Variants in PEX5L observed in about 807,000 individuals in gnomAD.
PEX5L encodes the protein PEX5-related protein.
In PEX5L, 30 loss-of-function variants were observed where a neutral mutation model predicts 84.0. The ratio of observed to expected loss-of-function variants is 0.36; its 90% confidence interval spans 0.27 to 0.48. PEX5L has a LOEUF of 0.48. Among genes scored for constraint, PEX5L ranks in the 20% least tolerant of loss-of-function variants. PEX5L has a pLI of 0.99. For missense variants in PEX5L, 533 were observed against 754.6 expected (o/e 0.71, Z 3.44); for synonymous variants, 270 against 283.1 (o/e 0.95, Z 0.46).
intron 8 of PEX5L, among the ~76,000 whole-genome samples, chr3:179,850,078 T>C (rs911226990): frequency 1.3e-5 from 2 of 152,166 alleles, no homozygotes; most frequent in Admixed American, 1.3e-4. Context: ...CCCTCTTTTT[T>C]AACTGATCAC....
At chr3:179,866,004 A>G (rs996155869) in intron 7 of PEX5L, among the ~76,000 whole-genome samples, 2 of 152,186 alleles carry the variant, frequency 1.3e-5, no homozygotes, top group African/African-American at 4.8e-5. Context: ...TCCTGGAAAC[A>G]TCTTGGGTTT....
chr3:179,869,233 G>C (rs1455974329), intron 7 of PEX5L, among the ~76,000 whole-genome samples: 1 of 152,084 alleles, frequency 6.6e-6, no homozygotes, highest in African/African-American at 2.4e-5. Context: ...ATCCAAAAAG[G>C]CTTGAACCAT....
intron 2 of PEX5L, among the ~76,000 whole-genome samples, chr3:179,915,606 T>TAG (rs1420438694): frequency 6.6e-6 from 1 of 152,110 alleles, no homozygotes; most frequent in African/African-American, 2.4e-5. Flanking sequence ...AGGAGGAAGG[T>TAG]AGAGAGCATT....
At chr3:179,951,340 G>T (rs1779028701) in intron 2 of PEX5L, among the ~76,000 whole-genome samples, 1 of 151,932 alleles carries the variant, frequency 6.6e-6, no homozygotes, top group African/African-American at 2.4e-5. Context: ...ATATTACCAT[G>T]CAGAATAAAT....
intron 1 of PEX5L, among the ~76,000 whole-genome samples, chr3:180,004,149 A>G (rs190691548): frequency 1.3e-5 from 2 of 152,310 alleles, no homozygotes; most frequent in Non-Finnish European, 1.5e-5. Flanking sequence ...TGAACTGACT[A>G]AAAAAACCCC....
At chr3:179,871,686 A>G (rs930595873) in intron 7 of PEX5L, among the ~76,000 whole-genome samples, 4 of 152,182 alleles carry the variant, frequency 2.6e-5, no homozygotes, top group Non-Finnish European at 5.9e-5. Context: ...AAATAAGGCA[A>G]ATGCCAAGCT....
At position 180,020,873 on chromosome 3, in the gene PEX5L, C is replaced by A. The variant is rs567127182; in HGVS notation, c.21+15706G>T. 1.2e-4 allele frequency among the ~76,000 whole-genome samples: 19 copies of A among 152,212 alleles called. 1 individual carries two copies. In the South Asian group the frequency reaches 3.9e-3, roughly 32 times the overall value. ...ATCAAACCAAGCAGACTAATTAAGG[C>A]TAATTAAAAGATGAATTTGTTCAAC... On this transcript the variant is annotated intron_variant, in intron 1 of 14. Transcript: ENST00000467460.
intron 2 of PEX5L, among the ~76,000 whole-genome samples, chr3:179,954,123 CTT>C (rs946406071): frequency 6.8e-6 from 1 of 146,150 alleles, no homozygotes; most frequent in African/African-American, 2.6e-5. Context: ...CCAGAGATTT[CTT>C]TTTTTTTCTT....
chr3:180,007,076 C>G (rs913051885), intron 1 of PEX5L, among the ~76,000 whole-genome samples: 2 of 152,158 alleles, frequency 1.3e-5, no homozygotes. Flanking sequence ...TGAGACAAGG[C>G]AAGTCCTTTC....
Position 179,860,016 on chromosome 3 carries a change from T to C in PEX5L, c.727-859A>G, listed in dbSNP as rs7618835. Among the ~76,000 whole-genome samples, 772 of 151,662 alleles carry C rather than the reference T, an allele frequency of 5.1e-3. 8 individuals carry two copies. The highest frequency in any genetic ancestry group is 0.017 in the African/African-American group (726 of 41,526). ...AAACATTTAAACACATAATGTGTAT[T>C]GTAATATGTACAGTAATATGTTTCA... On this transcript the variant is annotated intron_variant, in intron 7 of 14. Transcript: ENST00000467460.
At chr3:179,915,799 G>C (rs1766855529) in intron 2 of PEX5L, among the ~76,000 whole-genome samples, 1 of 152,144 alleles carries the variant, frequency 6.6e-6, no homozygotes, top group African/African-American at 2.4e-5. Flanking sequence ...AACAATTTCT[G>C]CTTCTAAAGA....
At chr3:179,975,243 A>T (rs1785634288) in intron 1 of PEX5L, among the ~76,000 whole-genome samples, 1 of 152,188 alleles carries the variant, frequency 6.6e-6, no homozygotes, top group South Asian at 2.1e-4. Flanking sequence ...CAGATATGGG[A>T]TGTATCATAT....
chr3:180,012,479 G>C (rs542966729), intron 1 of PEX5L, among the ~76,000 whole-genome samples: 18 of 152,054 alleles, frequency 1.2e-4, no homozygotes, highest in African/African-American at 3.9e-4. Context: ...CAAACTGGTA[G>C]GTTTTGTTTT....
chr3:179,820,882 A>G (rs892922656), intron 8 of PEX5L, among the ~76,000 whole-genome samples: 4 of 152,170 alleles, frequency 2.6e-5, no homozygotes, highest in African/African-American at 9.7e-5. Context: ...AGGGGTAGGG[A>G]AAGAGATGGA....
At chr3:180,012,646 G>T (rs1217315417) in intron 1 of PEX5L, among the ~76,000 whole-genome samples, 1 of 151,830 alleles carries the variant, frequency 6.6e-6, no homozygotes, top group African/African-American at 2.4e-5. Flanking sequence ...ATAGATAAAG[G>T]ATTTCAATAA....
At chr3:179,899,666 A>T (rs1560603690) in intron 2 of PEX5L, among the ~76,000 whole-genome samples, 1 of 152,150 alleles carries the variant, frequency 6.6e-6, no homozygotes, top group Non-Finnish European at 1.5e-5. Flanking sequence ...TCTTTATGAG[A>T]ACAAAGAAAA....
At chr3:180,035,528 A>T (rs1791827994) in intron 1 of PEX5L, among the ~76,000 whole-genome samples, 1 of 152,224 alleles carries the variant, frequency 6.6e-6, no homozygotes, top group Non-Finnish European at 1.5e-5. Flanking sequence ...GTTTTATTTA[A>T]AAATGGATTA....
At chr3:179,974,123 C>A in intron 1 of PEX5L, 1 of 985,594 alleles carries the variant, frequency 1.0e-6, no homozygotes, top group Non-Finnish European at 1.2e-6. Context: ...CTCCTCCCAG[C>A]CGGGAATCCC....
chr3:180,034,693 T>G (rs1056589206), intron 1 of PEX5L, among the ~76,000 whole-genome samples: 1 of 152,198 alleles, frequency 6.6e-6, no homozygotes, highest in Non-Finnish European at 1.5e-5. Flanking sequence ...AAAAGTATTA[T>G]GCTCTGAAAT....
Sources: allele counts gnomAD v4.1 joint callset (sites outside exome capture counted in the v4.1 genomes callset), GRCh38; gene constraint gnomAD v4.1.1; transcripts MANE v1.5; gene names NCBI Gene and HGNC (gene_info 2026-07-23, HGNC 2026-07-21).